Variants in CD70 observed in about 807,000 individuals in gnomAD.
CD70 encodes CD70 molecule.
In CD70, 6 loss-of-function variants were observed where a neutral mutation model predicts 9.0. The observed-to-expected ratio is 0.67, with a 90% CI of 0.37 to 1.32. The LOEUF (loss-of-function observed/expected upper bound fraction) is 1.32. Among genes scored for constraint, CD70 ranks in the 40% most tolerant of loss-of-function variants. CD70 has a pLI of 0.02. For missense variants in CD70, 235 were observed against 258.7 expected (o/e 0.91, Z 0.63); for synonymous variants, 108 against 112.3 (o/e 0.96, Z 0.24).
At chr19:6,586,538 C>G (rs1277606312) in intron 2 of CD70, 133 bp from the exon 3 acceptor site, 1 of 1,019,902 alleles carries the variant, frequency 9.8e-7, no homozygotes, top group Non-Finnish European at 1.4e-6. Flanking sequence ...GTGGCTCATG[C>G]CTGAAATCCT....
chr19:6,587,044 C>CAGAGAGCATGAGAG (rs1326768327), intron 2 of CD70, among the ~76,000 whole-genome samples: 2 of 122,012 alleles, frequency 1.6e-5, no homozygotes, highest in Non-Finnish European at 1.7e-5. Context: ...GAGAGTGCGA[C>CAGAGAGCATGAGAG]AGAGAGCATG....
At chr19:6,584,484 C>G (rs1048982534), downstream of CD70, among the ~76,000 whole-genome samples, 4 of 147,380 alleles carry the variant, frequency 2.7e-5, no homozygotes, top group Admixed American at 2.7e-4. Context: ...CCAGCCTGGA[C>G]AACAGGGCGA....
chr19:6,584,698 C>CAAAAA (rs34700045), downstream of CD70, among the ~76,000 whole-genome samples: 17 of 102,260 alleles, frequency 1.7e-4, no homozygotes, highest in East Asian at 1.8e-3. Context: ...GACCTCATCT[C>CAAAAA]AAAAAAAAAA....
rs1378830614 is a variant in CD70, at chr19:6,586,270, G to A, written c.332C>T (p.Thr111Met). 7.4e-6 allele frequency: 12 copies of A among 1,613,964 alleles called. No homozygotes were observed. Among genetic ancestry groups the A allele is most frequent in the East Asian group, 2.2e-5 (1 of 44,870 alleles). ...DGIYMVHIQV[T>M]LAICSSTTAS... ...CGTCGTGGAGGAGCAGATGGCCAGC[G>A]TCACCTGGATGTGTACCATGTAGAT... The change falls in exon 3 of 3, where the codon ACG (threonine) becomes ATG (methionine). Residue 111 changes from threonine to methionine, a missense_variant. Transcript: ENST00000245903.
downstream of CD70, among the ~76,000 whole-genome samples, chr19:6,582,973 C>T (rs1049986416): frequency 4.6e-5 from 7 of 152,060 alleles, no homozygotes; most frequent in Admixed American, 3.3e-4. Flanking sequence ...AGGCTGGCGT[C>T]GAGTGTCTGT....
chr19:6,587,044 CAG>C (rs934367688), intron 2 of CD70, among the ~76,000 whole-genome samples: 12 of 122,012 alleles, frequency 9.8e-5, no homozygotes, highest in Non-Finnish European at 1.9e-4. Context: ...GAGAGTGCGA[CAG>C]AGAGCATGAG....
At position 6,586,379 on chromosome 19, in the gene CD70, A is replaced by T; in HGVS notation, c.223T>A (p.Trp75Arg). Residue 75 changes from tryptophan to arginine, a missense_variant, in exon 3 of 3, where the codon TGG (tryptophan) becomes AGG (arginine). Transcript: ENST00000245903. ...TGPQQDPRLY[W>R]QGGPALGRSF... is the part of the protein sequence containing the mutation. Reference sequence around the variant, plus strand: ...CGGCCCAGTGCTGGGCCCCCCTGCCAGTATAGCCTGGGGTCCTGCTGAGGT... The same window carrying T: ...CGGCCCAGTGCTGGGCCCCCCTGCCTGTATAGCCTGGGGTCCTGCTGAGGT... 6.2e-7 allele frequency: 1 copy of T among 1,611,792 alleles called. No homozygotes were observed. The highest frequency in any genetic ancestry group is 8.5e-7 in the Non-Finnish European group (1 of 1,179,430).
At position 6,590,150 on chromosome 19, in the gene CD70, C is replaced by A. The variant is rs767103030; in HGVS notation, c.163-14G>T. ...AGCTACGTCCCACTGGAAGAAAAGA[C>A]CAGAAAACAGGGCACGGACGTAAGC... On this transcript the variant is annotated splice_polypyrimidine_tract_variant and intron_variant, in intron 1 of 2. Transcript: ENST00000245903. This position sits in a 1 kb window ranked among gnomAD's most constrained non-coding sequence, Gnocchi z 5.3. 1 of 1,612,872 alleles carries A rather than the reference C, an allele frequency of 6.2e-7. No homozygotes were observed. Among genetic ancestry groups the A allele is most frequent in the African/African-American group, 1.3e-5 (1 of 75,008 alleles).
rs746699223 is a variant in CD70 at position 6,590,997 on chromosome 19, C to G, written c.6G>C (p.Pro2=). The change falls in exon 1 of 3, where the codon CCG becomes CCC. Residue 2 remains proline (P), a synonymous_variant. Coordinates refer to ENST00000245903, the MANE Select transcript of CD70 (RefSeq NM_001252.5). The surrounding 1 kb of genome is among the most constrained non-coding windows in gnomAD (Gnocchi z 5.3). M[P]EEGSGCSVRR... Reference sequence around the variant, plus strand: ...GCACCGAGCAGCCCGAACCCTCCTCCGGCATCGCCGCGGCGATCACCTCCG... The same window carrying G: ...GCACCGAGCAGCCCGAACCCTCCTCGGGCATCGCCGCGGCGATCACCTCCG... 1 of 1,592,154 alleles carries G rather than the reference C, an allele frequency of 6.3e-7. No homozygotes were observed. The highest frequency in any genetic ancestry group is 8.6e-7 in the Non-Finnish European group (1 of 1,167,050).
intron 2 of CD70, among the ~76,000 whole-genome samples, chr19:6,588,161 C>CA (rs1303595329): frequency 6.6e-6 from 1 of 152,182 alleles, no homozygotes; most frequent in Admixed American, 6.5e-5. Flanking sequence ...ACAGGAGCCC[C>CA]AAGGGTGTTT....
downstream of CD70, among the ~76,000 whole-genome samples, chr19:6,582,287 C>A (rs575593816): frequency 6.9e-4 from 104 of 151,388 alleles, no homozygotes; most frequent in Non-Finnish European, 1.3e-3. Flanking sequence ...CTGCTCGCCT[C>A]GGCCTCCCAA....
chr19:6,590,884 C>G lies in CD70; in HGVS notation c.119G>C (p.Arg40Pro), dbSNP rs1425689366. Residue 40 changes from arginine to proline, a missense_variant, in exon 1 of 3, where the codon CGC becomes CCC. Coordinates refer to ENST00000245903, the MANE Select transcript of CD70 (RefSeq NM_001252.5). This position sits in a 1 kb window ranked among gnomAD's most constrained non-coding sequence, Gnocchi z 5.3. ...CAGCTGCTGCTGAGCCTGTGCGAAGCGCTGGATGCACACCACGAGGCAGAT... is the reference window on the plus strand; with the variant it reads ...CAGCTGCTGCTGAGCCTGTGCGAAGGGCTGGATGCACACCACGAGGCAGAT... ...LVICLVVCIQ[R>P]FAQAQQQLPL... 1 of 1,614,060 alleles carries G rather than the reference C, an allele frequency of 6.2e-7. No homozygotes were observed. The highest frequency in any genetic ancestry group is 8.5e-7 in the Non-Finnish European group (1 of 1,179,984).
At chr19:6,589,310 TCTC>T (rs1916098038) in intron 2 of CD70, among the ~76,000 whole-genome samples, 1 of 151,572 alleles carries the variant, frequency 6.6e-6, no homozygotes, top group Admixed American at 6.6e-5. Context: ...TTTCTCTCTC[TCTC>T]ACCTCCCTCC....
downstream of CD70, among the ~76,000 whole-genome samples, chr19:6,582,747 T>C (rs952305616): frequency 1.3e-5 from 2 of 152,226 alleles, no homozygotes; most frequent in African/African-American, 4.8e-5. Flanking sequence ...CCACATTTTC[T>C]TAATCCAGTC....
chr19:6,585,315 T>C (rs1915992395), downstream of CD70, among the ~76,000 whole-genome samples: 2 of 151,702 alleles, frequency 1.3e-5, no homozygotes, highest in Admixed American at 6.6e-5. Context: ...TTTCCTCTCT[T>C]GTCAAATAGA....
At chr19:6,587,800 C>A (rs1916061161) in intron 2 of CD70, among the ~76,000 whole-genome samples, 1 of 152,184 alleles carries the variant, frequency 6.6e-6, no homozygotes, top group Admixed American at 6.5e-5. Flanking sequence ...GCCTCAGCCT[C>A]TGGGGCTCAA....
In CD70 at chr19:6,590,091, C is replaced by A; in HGVS notation, c.196+12G>T. On this transcript the variant is annotated intron_variant, in intron 2 of 2. Transcript: ENST00000245903. This position sits in a 1 kb window ranked among gnomAD's most constrained non-coding sequence, Gnocchi z 5.3. ...TCTTCTTCTCCCCGTCCCTCCACGT[C>A]CCCCGTGTTACCTGTGTGATTCAGC... 4 of 1,611,352 alleles carry A rather than the reference C, an allele frequency of 2.5e-6. No homozygotes were observed. Among genetic ancestry groups the A allele is most frequent in the Non-Finnish European group, 3.4e-6 (4 of 1,177,638 alleles).
downstream of CD70, chr19:6,585,699 G>GTTTTTTTTTT: frequency 4.7e-6 from 1 of 213,018 alleles, no homozygotes; most frequent in Non-Finnish European, 9.4e-6. Flanking sequence ...TCCTGAGACA[G>GTTTTTTTTTT]AGTCTTGCTC....
Position 6,590,948 on chromosome 19 carries a change from G to A in CD70, c.55C>T (p.Leu19=). 3.7e-6 allele frequency: 6 copies of A among 1,614,016 alleles called. No individual in the cohort carries two copies. Among genetic ancestry groups the A allele is most frequent in the Non-Finnish European group, 5.1e-6 (6 of 1,179,980 alleles). The part of the protein sequence containing the change: ...SVRRRPYGCV[L]RAALVPLVAG... Reference sequence around the variant, plus strand: ...ACCAATGGGACCAAAGCAGCCCGCAGGACGCACCCATAGGGCCTGCGCCGC... The same window carrying A: ...ACCAATGGGACCAAAGCAGCCCGCAAGACGCACCCATAGGGCCTGCGCCGC... Residue 19 remains leucine, a synonymous_variant, in exon 1 of 3, where the codon CTG becomes TTG. Transcript: ENST00000245903. This position sits in a 1 kb window ranked among gnomAD's most constrained non-coding sequence, Gnocchi z 5.3.
Sources: allele counts gnomAD v4.1 joint callset (sites outside exome capture counted in the v4.1 genomes callset), GRCh38; gene constraint gnomAD v4.1.1; non-coding constraint Gnocchi (gnomAD v3.1); transcripts MANE v1.5; gene names NCBI Gene and HGNC (gene_info 2026-07-23, HGNC 2026-07-21).